The following DDX20 variants were observed in gnomAD, a reference collection of about 807,000 sequenced individuals.
DDX20 encodes the protein DEAD-box helicase 20.
A neutral mutation model predicts 76.4 loss-of-function variants in DDX20; 61 were observed. That is an observed-to-expected ratio of 0.80 (90% CI 0.65 to 0.99). The LOEUF (loss-of-function observed/expected upper bound fraction) is 0.99. Among genes scored for constraint, DDX20 ranks in the 50% least tolerant of loss-of-function variants. The pLI is 0.00. For synonymous variants in DDX20, 357 were observed against 357.4 expected, an observed-to-expected ratio of 1.00 and a Z score of 0.01; for missense variants, 976 against 996.8, an observed-to-expected ratio of 0.98 and a Z score of 0.28.
chr1:111,757,151 C>T (rs1013033269), intron 2 of DDX20, among the ~76,000 whole-genome samples: 19 of 151,576 alleles, frequency 1.3e-4, no homozygotes, highest in African/African-American at 4.6e-4. Flanking sequence ...CTTCTGGGCT[C>T]CAGTGATCCT....
intron 1 of DDX20, 44 bp from the exon 2 acceptor site, chr1:111,756,602 T>G (rs764135255): frequency 2.6e-6 from 4 of 1,561,778 alleles, no homozygotes; most frequent in Non-Finnish European, 3.5e-6. Flanking sequence ...CCTAAGTTGC[T>G]TCAGTGAGTA....
At position 111,756,760 on chromosome 1, in the gene DDX20, C is replaced by T. The variant is rs1457846484; in HGVS notation, c.396+20C>T. On this transcript the variant is annotated intron_variant, in intron 2 of 10. Transcript: ENST00000369702. ...ACCCAGGTGAGTTAGCTGAGAGGAC[C>T]AGAGGAGGATGTGTTTTGTGGACTT... The T allele has an allele frequency of 1.9e-6, 3 of 1,588,840 alleles. No individual in the cohort carries two copies. The highest frequency in any genetic ancestry group is 2.6e-6 in the Non-Finnish European group (3 of 1,156,932).
chr1:111,756,788 C>T, intron 2 of DDX20, 48 bp downstream of exon 2: 1 of 1,443,564 alleles, frequency 6.9e-7, no homozygotes, highest in Non-Finnish European at 9.8e-7. Context: ...GTGGACTTTA[C>T]CACAGGTCAG....
chr1:111,756,368 A>G, intron 1 of DDX20, 143 bp downstream of exon 1: 2 of 870,460 alleles, frequency 2.3e-6, no homozygotes, highest in Admixed American at 3.6e-5. Flanking sequence ...GCTAGGCGCT[A>G]CGCTCAGTTA....
Position 111,766,516 on chromosome 1 carries a change from C to A in DDX20, c.2092C>A (p.Gln698Lys). 1 of 1,614,142 alleles carries A rather than the reference C, an allele frequency of 6.2e-7. No homozygotes were observed. Among genetic ancestry groups the A allele is most frequent in the Non-Finnish European group, 8.5e-7 (1 of 1,179,998 alleles). The change falls in exon 11 of 11, where the codon CAA (glutamine) becomes AAA (lysine). Residue 698 changes from glutamine (Q) to lysine (K), a missense_variant. By Grantham distance (53) the Gln-to-Lys change is moderately conservative. This residue lies in a region of DDX20 where 630 missense variants were observed against 693.7 expected (regional missense o/e 0.91). Transcript: ENST00000369702. ...TGTGGATGATCGTATTTCTTTGGAA[C>A]AACCACCAAATGGAAGTGACACCCC... ...TPVDDRISLE[Q>K]PPNGSDTPNP... is the part of the protein sequence containing the mutation.
chr1:111,766,518 A>G lies in DDX20; in HGVS notation c.2094A>G (p.Gln698=), dbSNP rs1234774678. Residue 698 remains glutamine (Q), a synonymous_variant, in exon 11 of 11, where the codon CAA becomes CAG. Transcript: ENST00000369702. The stretch of plus-strand genomic sequence containing the variant: ...TGGATGATCGTATTTCTTTGGAACA[A>G]CCACCAAATGGAAGTGACACCCCCA... ...TPVDDRISLE[Q]PPNGSDTPNP... 8 of 1,614,020 alleles carry G rather than the reference A, an allele frequency of 5.0e-6. No homozygotes were observed. The highest frequency in any genetic ancestry group is 1.7e-5 in the Admixed American group (1 of 60,010).
chr1:111,760,044 C>T (rs72976067), intron 3 of DDX20, among the ~76,000 whole-genome samples: 10,323 of 150,636 alleles, frequency 0.069, 641 homozygotes, highest in African/African-American at 0.17. Context: ...GACTGGTTTA[C>T]CAGTGGAATT....
At chr1:111,764,239 GC>G (rs1340159776) in intron 10 of DDX20, among the ~76,000 whole-genome samples, 1 of 151,442 alleles carries the variant, frequency 6.6e-6, no homozygotes, top group Non-Finnish European at 1.5e-5. Flanking sequence ...GCCAAGATCC[GC>G]CATTGCACTC....
In DDX20 at chr1:111,759,563, C is replaced by A. The variant is rs1345480642; in HGVS notation, c.560C>A (p.Ser187Tyr). 2.5e-6 allele frequency: 4 copies of A among 1,612,054 alleles called. No homozygotes were observed. The South Asian group carries it at 3.3e-5, about 13-fold the overall frequency. Residue 187 changes from serine (S) to tyrosine (Y), a missense_variant, in exon 3 of 11, where the codon TCT becomes TAT. Physicochemically the swap from Ser to Tyr is moderately radical, Grantham distance 144. Transcript: ENST00000369702. ...RLKKCHIAVG[S>Y]PGRIKQLIEL... ...AAAAAGTGTCATATTGCTGTTGGATCTCCTGGTAAGATAACAATGCCTGTT... is the reference window on the plus strand; with the variant it reads ...AAAAAGTGTCATATTGCTGTTGGATATCCTGGTAAGATAACAATGCCTGTT...
Position 111,767,077 on chromosome 1 carries a change from ATTATC to A in DDX20, c.*181_*185del, listed in dbSNP as rs1663799908. 2.2e-6 allele frequency: 1 copy of A among 446,646 alleles called. No homozygotes were observed. The highest frequency in any genetic ancestry group is 3.9e-6 in the Non-Finnish European group (1 of 254,224). The allele number at this position is 446,646 out of a possible 1,614,324, so 27.7% of individuals were successfully genotyped here. A position where few individuals can be genotyped will look rare whatever the true frequency, so the allele number is the denominator to read the frequency against. On this transcript the variant is annotated 3_prime_UTR_variant, in exon 11 of 11. Coordinates refer to ENST00000369702, the MANE Select transcript of DDX20 (RefSeq NM_007204.5). ...GATTGTTTTGATTTAGGCCAGGTAT[ATTATC>A]TTCATTTTTAAGAGTTTCTTTAAGA... is the stretch of plus-strand genomic sequence containing the variant.
chr1:111,766,215 T>C lies in DDX20; in HGVS notation c.1791T>C (p.Asp597=), dbSNP rs777088564. Reference sequence around the variant, plus strand: ...TGACTTTTGCTGAATTGGTAGAGGATTATGAACATTATATTAAAGAGGGGT... The same window carrying C: ...TGACTTTTGCTGAATTGGTAGAGGACTATGAACATTATATTAAAGAGGGGT... The part of the protein sequence containing the change: ...YTLTFAELVE[D]YEHYIKEGLE... Residue 597 remains aspartate, a synonymous_variant, in exon 11 of 11, where the codon GAT becomes GAC. Transcript: ENST00000369702. 3 of 1,614,180 alleles carry C rather than the reference T, an allele frequency of 1.9e-6. No homozygotes were observed. The highest frequency in any genetic ancestry group is 3.3e-5 in the Admixed American group (2 of 60,022).
chr1:111,763,601 A>G (rs1663719329), intron 10 of DDX20, among the ~76,000 whole-genome samples: 1 of 150,806 alleles, frequency 6.6e-6, no homozygotes, highest in Non-Finnish European at 1.5e-5. Context: ...GAAAAATGAG[A>G]GCTATGTTAG....
chr1:111,760,204 A>G (rs1663643878), intron 3 of DDX20, among the ~76,000 whole-genome samples: 1 of 152,184 alleles, frequency 6.6e-6, no homozygotes, highest in South Asian at 2.1e-4. Flanking sequence ...CGAATCACTC[A>G]GAATCAGCAT....
intron 3 of DDX20, among the ~76,000 whole-genome samples, chr1:111,760,215 C>G (rs1399492568): frequency 2.0e-5 from 3 of 152,154 alleles, no homozygotes; most frequent in African/African-American, 7.2e-5. Flanking sequence ...GAATCAGCAT[C>G]TTGCATTCAG....
intron 4 of DDX20, 24 bp from the exon 5 acceptor site, chr1:111,760,682 A>G (rs750581287): frequency 2.5e-6 from 4 of 1,605,808 alleles, no homozygotes; most frequent in South Asian, 1.1e-5. Flanking sequence ...AATAATTTAC[A>G]TGGTATCTGT....
At chr1:111,762,086 G>A (rs1346693991) in intron 7 of DDX20, 169 bp from the exon 8 acceptor site, 1 of 536,580 alleles carries the variant, frequency 1.9e-6, no homozygotes, top group African/African-American at 2.0e-5. Flanking sequence ...TAGTTTAAAA[G>A]ATTTTAACTT....
chr1:111,766,520 C>T lies in DDX20; in HGVS notation c.2096C>T (p.Pro699Leu). 1 of 1,614,082 alleles carries T rather than the reference C, an allele frequency of 6.2e-7. No homozygotes were observed. Among genetic ancestry groups the T allele is most frequent in the Non-Finnish European group, 8.5e-7 (1 of 1,179,986 alleles). The change falls in exon 11 of 11, where the codon CCA (proline) becomes CTA (leucine). Residue 699 changes from proline (P) to leucine (L), a missense_variant. Pro to Leu is a moderately conservative substitution (Grantham distance 98). Coordinates refer to ENST00000369702, the MANE Select transcript of DDX20 (RefSeq NM_007204.5). ...GATGATCGTATTTCTTTGGAACAAC[C>T]ACCAAATGGAAGTGACACCCCCAAT... Reference protein sequence around the residue: ...PVDDRISLEQPPNGSDTPNPE... With the variant: ...PVDDRISLEQLPNGSDTPNPE...
At chr1:111,762,361 T>G (rs777462945) in intron 8 of DDX20, 24 bp downstream of exon 8, 28 of 1,562,924 alleles carry the variant, frequency 1.8e-5, no homozygotes, top group Non-Finnish European at 2.4e-5. Flanking sequence ...TCAGTTTGGG[T>G]GACTAATCCA....
chr1:111,757,953 C>T (rs1302207859), intron 2 of DDX20, among the ~76,000 whole-genome samples: 1 of 152,134 alleles, frequency 6.6e-6, no homozygotes, highest in East Asian at 1.9e-4. Context: ...CTCCCAGGTT[C>T]AAGTGATTCT....
Sources: gnomAD v4.1 joint callset for allele counts (sites outside exome capture counted in the v4.1 genomes callset) on GRCh38, gnomAD v4.1.1 for gene constraint, gnomAD v4.1.1 regional missense constraint, MANE v1.5 for transcripts, NCBI Gene and HGNC (gene_info 2026-07-23, HGNC 2026-07-21) for gene names.